The following RP1L1 variants were observed in gnomAD, a reference collection of about 807,000 sequenced individuals.
RP1L1 encodes RP1 like 1.
RP1L1 carries 27 observed loss-of-function variants against 15.7 expected under a neutral mutation model. The observed-to-expected ratio is 1.72, with a 90% CI of 1.27 to 2.38. The LOEUF (loss-of-function observed/expected upper bound fraction) is 2.38, where lower values mean the gene tolerates loss of function less well. Ranked by LOEUF, RP1L1 falls within the 30% of genes most tolerant of loss-of-function variation. The pLI, the probability that RP1L1 is intolerant of heterozygous loss-of-function variation, is 0.00. For synonymous variants in RP1L1, 1,813 were observed against 1,276.7 expected (o/e 1.42, Z -8.96); for missense variants, 4,798 against 3,075.9 (o/e 1.56, Z -13.24).
In RP1L1 at chr8:10,612,970, G is replaced by A. The variant is rs372681428; in HGVS notation, c.1128C>T (p.Phe376=). ...CCVWEGYPWG[F]SEPGVWGPRP... ...GGGGTCCCCACACCCCAGGCTCTGA[G>A]AAGCCCCAAGGGTAGCCCTCCCACA... The change falls in exon 4 of 4, where the codon TTC becomes TTT. Residue 376 remains phenylalanine, a synonymous_variant. Transcript: ENST00000382483. The A allele has an allele frequency of 7.4e-6, 12 of 1,613,050 alleles. No homozygotes were observed. The highest frequency in any genetic ancestry group is 1.0e-5 in the Non-Finnish European group (12 of 1,179,942).
At chr8:10,651,532 T>C (rs1194006663) in intron 1 of RP1L1, among the ~76,000 whole-genome samples, 1 of 151,948 alleles carries the variant, frequency 6.6e-6, no homozygotes, top group Non-Finnish European at 1.5e-5. Flanking sequence ...ATTGAGACCA[T>C]CCTGGCCAAC....
chr8:10,629,391 G>A (rs1798207127), intron 1 of RP1L1, among the ~76,000 whole-genome samples: 1 of 152,178 alleles, frequency 6.6e-6, no homozygotes, highest in Non-Finnish European at 1.5e-5. Flanking sequence ...AGAACATCAA[G>A]ACGAAAAGTA....
At chr8:10,626,519 C>T (rs142591862) in intron 1 of RP1L1, among the ~76,000 whole-genome samples, 1 of 152,290 alleles carries the variant, frequency 6.6e-6, no homozygotes, top group African/African-American at 2.4e-5. Context: ...CACACAGGTC[C>T]ACACGGGCTG....
intron 1 of RP1L1, among the ~76,000 whole-genome samples, chr8:10,639,213 A>T (rs1019242886): frequency 6.6e-6 from 1 of 152,022 alleles, no homozygotes; most frequent in African/African-American, 2.4e-5. Context: ...GCTTGCCCTC[A>T]ATTCTGCTCT....
At position 10,610,596 on chromosome 8, in the gene RP1L1, G is replaced by A; in HGVS notation, c.3502C>T (p.Leu1168=). The change falls in exon 4 of 4, where the codon CTG becomes TTG. Residue 1168 remains leucine (L), a synonymous_variant. Coordinates refer to ENST00000382483, the MANE Select transcript of RP1L1 (RefSeq NM_178857.6). The part of the protein sequence containing the change: ...WPGCDVGEDQ[L]DSGLWELTWS... ...GTGAGCTCCCAGAGGCCTGAGTCCAGCTGGTCTTCCCCAACGTCACATCCT... is the reference window on the plus strand; with the variant it reads ...GTGAGCTCCCAGAGGCCTGAGTCCAACTGGTCTTCCCCAACGTCACATCCT... The A allele has an allele frequency of 3.1e-6, 5 of 1,613,596 alleles. No homozygotes were observed. Among genetic ancestry groups the A allele is most frequent in the Non-Finnish European group, 4.2e-6 (5 of 1,180,028 alleles).
intron 1 of RP1L1, among the ~76,000 whole-genome samples, chr8:10,646,780 C>T (rs1050586658): frequency 2.6e-5 from 4 of 152,206 alleles, no homozygotes; most frequent in African/African-American, 7.2e-5. Context: ...ATCTGCTCCA[C>T]GCCCTCCTTA....
In RP1L1 at chr8:10,608,180, T is replaced by G. The variant is rs551890435; in HGVS notation, c.5918A>C (p.Glu1973Ala). The G allele has an allele frequency of 3.7e-6, 6 of 1,609,992 alleles. No individual in the cohort carries two copies. The African/African-American group carries it at 5.5e-5, about 15-fold the overall frequency. ...SQEAEEEAQP[E>A]SEDVEALEVE... ...CTCCAGGGCCTCTACATCTTCTGAC[T>G]CTGGCTGGGCTTCCTCTTCTGCCTC... Residue 1973 changes from glutamate (E) to alanine (A), a missense_variant, in exon 4 of 4, where the codon GAG (glutamate) becomes GCG (alanine). Glu to Ala is a moderately radical substitution (Grantham distance 107). Transcript: ENST00000382483.
At chr8:10,616,361 G>A (rs1797964716) in intron 3 of RP1L1, 85 bp downstream of exon 3, 6 of 1,576,948 alleles carry the variant, frequency 3.8e-6, no homozygotes, top group Non-Finnish European at 4.4e-6. Context: ...GAAGTTTCCT[G>A]AATTACCTGG....
chr8:10,629,798 A>G (rs181797482), intron 1 of RP1L1, among the ~76,000 whole-genome samples: 64 of 152,110 alleles, frequency 4.2e-4, no homozygotes, highest in African/African-American at 1.4e-3. Context: ...TCCCTCCTCA[A>G]GATGCCTCAC....
rs749628475 is a variant in RP1L1 at position 10,623,056 on chromosome 8, A to C, written c.146T>G (p.Val49Gly). ...GGCGCGCTGGTGAACGGCCAGGCGG[A>C]CCCCAGCAAACCGTGGATCCCCTCG... ...LKRGDPRFAG[V>G]RLAVHQRAFK... The change falls in exon 2 of 4, where the codon GTC becomes GGC. Residue 49 changes from valine to glycine, a missense_variant. Coordinates refer to ENST00000382483, the MANE Select transcript of RP1L1 (RefSeq NM_178857.6). The C allele has an allele frequency of 2.5e-5, 41 of 1,613,934 alleles. No homozygotes were observed. The highest frequency in any genetic ancestry group is 3.3e-5 in the Admixed American group (2 of 60,006).
At chr8:10,652,102 A>C (rs914013681) in intron 1 of RP1L1, among the ~76,000 whole-genome samples, 4 of 152,196 alleles carry the variant, frequency 2.6e-5, no homozygotes, top group African/African-American at 9.7e-5. Flanking sequence ...GTAGTAGACA[A>C]CACCATCTAG....
At position 10,610,209 on chromosome 8, in the gene RP1L1, C is replaced by A. The variant is rs777967721; in HGVS notation, c.3889G>T (p.Val1297Leu). The change falls in exon 4 of 4, where the codon GTG becomes TTG. Residue 1297 changes from valine to leucine, a missense_variant. Transcript: ENST00000382483. Reference protein sequence around the residue: ...SNLEQLAENTVQEEVQLEETK... With the variant: ...SNLEQLAENTLQEEVQLEETK... ...TCCTCTAATTGCACCTCTTCTTGCA[C>A]TGTGTTTTCAGCTAACTGCTCCAGG... 1 of 1,610,996 alleles carries A rather than the reference C, an allele frequency of 6.2e-7. No homozygotes were observed. The highest frequency in any genetic ancestry group is 1.7e-4 in the Middle Eastern group (1 of 6,058).
chr8:10,628,612 C>A (rs367577695), intron 1 of RP1L1, among the ~76,000 whole-genome samples: 13 of 152,054 alleles, frequency 8.5e-5, no homozygotes, highest in African/African-American at 3.1e-4. Flanking sequence ...CATGGAGCCC[C>A]GGTGGTATGA....
At chr8:10,618,940 T>A (rs556854381) in intron 2 of RP1L1, among the ~76,000 whole-genome samples, 3 of 152,206 alleles carry the variant, frequency 2.0e-5, no homozygotes, top group African/African-American at 7.2e-5. Flanking sequence ...AACCTCCACC[T>A]CTCAGGTTCA....
Position 10,610,395 on chromosome 8 carries a change from A to C in RP1L1, c.3703T>G (p.Ser1235Ala), listed in dbSNP as rs745435278. ...GTTCTTGAATCAGGCCTCTGGTTGG[A>C]GGTTTTCAGGGGCAGCTCTGTCCCC... The part of the protein sequence containing the change: ...TQGTELPLKT[S>A]NQRPDSRTYE... The change falls in exon 4 of 4, where the codon TCC becomes GCC. Residue 1235 changes from serine (S) to alanine (A), a missense_variant. By Grantham distance (99) the Ser-to-Ala change is moderately conservative (BLOSUM62 1). Coordinates refer to ENST00000382483, the MANE Select transcript of RP1L1 (RefSeq NM_178857.6). The C allele has an allele frequency of 8.1e-6, 13 of 1,613,976 alleles. No individual in the cohort carries two copies. Among genetic ancestry groups the C allele is most frequent in the East Asian group, 2.2e-5 (1 of 44,848 alleles).
At position 10,612,706 on chromosome 8, in the gene RP1L1, G is replaced by C; in HGVS notation, c.1392C>G (p.Gly464=). ...GGCAGCAGGAGGACTCTGGCTCCGA[G>C]CCCTCGGGGAGGCCGGTGCTGGAGG... The part of the protein sequence containing the change: ...SPASSTGLPE[G]SEPESSCCPR... Residue 464 remains glycine (G), a synonymous_variant, in exon 4 of 4, where the codon GGC becomes GGG. Transcript: ENST00000382483. 1.2e-6 allele frequency: 2 copies of C among 1,604,404 alleles called. No individual in the cohort carries two copies. The highest frequency in any genetic ancestry group is 4.5e-5 in the East Asian group (2 of 44,772).
At chr8:10,628,660 G>C (rs1798194809) in intron 1 of RP1L1, among the ~76,000 whole-genome samples, 1 of 152,162 alleles carries the variant, frequency 6.6e-6, no homozygotes, top group Non-Finnish European at 1.5e-5. Context: ...CCTGAATATA[G>C]ACTTTCTTGT....
At chr8:10,624,898 A>G (rs1471851785) in intron 1 of RP1L1, among the ~76,000 whole-genome samples, 3 of 152,158 alleles carry the variant, frequency 2.0e-5, no homozygotes, top group Non-Finnish European at 4.4e-5. Context: ...TGGGCCCCAG[A>G]GAGTGACAAC....
chr8:10,625,958 G>C (rs892660686), intron 1 of RP1L1, among the ~76,000 whole-genome samples: 3 of 151,972 alleles, frequency 2.0e-5, no homozygotes, highest in African/African-American at 7.3e-5. Context: ...CGGGGATTTT[G>C]GGAGGAAGCA....
Sources: allele counts gnomAD v4.1 joint callset (sites outside exome capture counted in the v4.1 genomes callset), GRCh38; gene constraint gnomAD v4.1.1; transcripts MANE v1.5; gene names NCBI Gene and HGNC (gene_info 2026-07-23, HGNC 2026-07-21).